Variants in PRMT2 observed in about 807,000 individuals in gnomAD.
The protein encoded by PRMT2 is protein arginine N-methyltransferase 2.
A neutral mutation model predicts 57.6 loss-of-function variants in PRMT2; 26 were observed. That is an observed-to-expected ratio of 0.45 (90% CI 0.33 to 0.63). The LOEUF (loss-of-function observed/expected upper bound fraction) is 0.63, where lower values mean the gene tolerates loss of function less well. Among genes scored for constraint, PRMT2 ranks in the 20% least tolerant of loss-of-function variants. The pLI is 0.02. For missense variants in PRMT2, 472 were observed against 564.4 expected (o/e 0.84, Z 1.66); for synonymous variants, 219 against 220.0 (o/e 1.00, Z 0.04).
At chr21:46,636,841 C>CA in intron 2 of PRMT2, 55 bp from the exon 3 acceptor site, 2 of 1,061,170 alleles carry the variant, frequency 1.9e-6, no homozygotes, top group Non-Finnish European at 2.7e-6. Context: ...TAAGTGAACT[C>CA]AATTATTAAG....
At chr21:46,646,601 T>C (rs1035556157) in intron 5 of PRMT2, among the ~76,000 whole-genome samples, 2 of 152,272 alleles carry the variant, frequency 1.3e-5, no homozygotes, top group African/African-American at 4.8e-5. Flanking sequence ...AAGGGTCCTG[T>C]TGATATTTGG....
At chr21:46,652,515 C>T (rs1367045253) in intron 7 of PRMT2, 4 of 985,282 alleles carry the variant, frequency 4.1e-6, no homozygotes, top group Non-Finnish European at 4.8e-6. Context: ...TTCAATGCCA[C>T]CAACAATTTG....
chr21:46,664,654 C>T lies in PRMT2; in HGVS notation c.*327C>T. On this transcript the variant is annotated 3_prime_UTR_variant, in exon 12 of 12. Transcript: ENST00000355680. ...TGTTCCTAAGCTAGGTCTAGGTCTA[C>T]ACTCCTAGGACGCACGCATATCAGC... 3 of 445,610 alleles carry T rather than the reference C, an allele frequency of 6.7e-6. No homozygotes were observed. The highest frequency in any genetic ancestry group is 1.2e-5 in the Non-Finnish European group (3 of 240,714). The allele number at this position is 445,610 out of a possible 1,614,324, so 27.6% of individuals were successfully genotyped here.
chr21:46,658,486 G>A (rs944884739), intron 7 of PRMT2: 3 of 444,886 alleles, frequency 6.7e-6, no homozygotes, highest in Non-Finnish European at 1.2e-5. Context: ...ATTTGTCCTT[G>A]CTTTTAGCTC....
At chr21:46,658,417 C>T in intron 7 of PRMT2, 1 of 247,052 alleles carries the variant, frequency 4.0e-6, no homozygotes, top group Non-Finnish European at 7.9e-6. Context: ...CACTTCAGGG[C>T]TCTTTCAAAA....
intron 3 of PRMT2, among the ~76,000 whole-genome samples, chr21:46,641,939 C>T (rs2061283926): frequency 6.6e-6 from 1 of 151,874 alleles, no homozygotes; most frequent in Non-Finnish European, 1.5e-5. Context: ...TACAAATAGA[C>T]AGTAAGGTAA....
In PRMT2 at chr21:46,647,075, C is replaced by T. The variant is rs560782071; in HGVS notation, c.328-1383C>T. ...ATGGATTTTTGGAGACATTTCAGACCGTGGCATGATGGTGTGTGAAAGCTC... is the reference window on the plus strand; with the variant it reads ...ATGGATTTTTGGAGACATTTCAGACTGTGGCATGATGGTGTGTGAAAGCTC... On this transcript the variant is annotated intron_variant, in intron 5 of 11. Transcript: ENST00000355680. Among the ~76,000 whole-genome samples, 11 of 152,218 alleles carry T rather than the reference C, an allele frequency of 7.2e-5. 1 individual carries two copies. The highest frequency in any genetic ancestry group is 4.1e-4 in the South Asian group (2 of 4,820).
chr21:46,651,879 GC>G (rs1569158256), intron 7 of PRMT2: 1 of 1,613,118 alleles, frequency 6.2e-7, no homozygotes, highest in Admixed American at 1.7e-5. Context: ...CTCCTGGCCT[GC>G]TGTCTGCCTC....
chr21:46,643,595 G>C lies in PRMT2; in HGVS notation c.100G>C (p.Glu34Gln). The C allele has an allele frequency of 6.2e-7, 1 of 1,611,310 alleles. No homozygotes were observed. ...GLLQEGVQPE[E>Q]FVAIADYAAT... is the part of the protein sequence containing the mutation. ...CCTGCAGGAGGGAGTACAGCCAGAG[G>C]AGTTTGTGGCCATCGCGGACTACGC... Residue 34 changes from glutamate (E) to glutamine (Q), a missense_variant, in exon 4 of 12, where the codon GAG becomes CAG. Around this residue, in one of 2 missense-constraint regions of PRMT2, gnomAD observed 243 missense variants for 347.2 expected, o/e 0.70. Transcript: ENST00000355680.
chr21:46,639,442 A>G (rs1047359310), intron 3 of PRMT2, among the ~76,000 whole-genome samples: 1 of 151,906 alleles, frequency 6.6e-6, no homozygotes, highest in Admixed American at 6.5e-5. Context: ...AAAATTCTCC[A>G]CTATGATTGT....
intron 3 of PRMT2, among the ~76,000 whole-genome samples, chr21:46,637,302 A>C (rs1261398975): frequency 6.6e-6 from 1 of 152,234 alleles, no homozygotes; most frequent in East Asian, 1.9e-4. Flanking sequence ...ATAAAATTTC[A>C]GGCATAATAC....
At chr21:46,652,253 A>T in intron 7 of PRMT2, 1 of 1,351,400 alleles carries the variant, frequency 7.4e-7, no homozygotes, top group Non-Finnish European at 9.5e-7. Flanking sequence ...TGTTGTTAGG[A>T]TGGGAAAGGT....
chr21:46,660,937 G>A lies in PRMT2; in HGVS notation c.935G>A (p.Arg312Lys), dbSNP rs2061610654. 1 of 1,613,204 alleles carries A rather than the reference G, an allele frequency of 6.2e-7. No individual in the cohort carries two copies. The highest frequency in any genetic ancestry group is 8.5e-7 in the Non-Finnish European group (1 of 1,179,464). Residue 312 changes from arginine to lysine, a missense_variant, in exon 9 of 12, where the codon AGA becomes AAA. By Grantham distance (26) the Arg-to-Lys change is conservative. Coordinates refer to ENST00000355680, the MANE Select transcript of PRMT2 (RefSeq NM_206962.4). ...TGCACTATATTGCAGTTGGACATGA[G>A]AACCGTGCAAATTTCTGATCTAGAG... Reference protein sequence around the residue: ...EPCTILQLDMRTVQISDLETL... With the variant: ...EPCTILQLDMKTVQISDLETL...
intron 7 of PRMT2, chr21:46,650,021 T>C (rs1052128072): frequency 1.5e-6 from 2 of 1,368,496 alleles, no homozygotes; most frequent in South Asian, 1.6e-5. Flanking sequence ...GTAAAAATCC[T>C]GTGCCTAACA....
chr21:46,643,716 C>A, intron 4 of PRMT2, 77 bp downstream of exon 4: 1 of 1,486,338 alleles, frequency 6.7e-7, no homozygotes, highest in Non-Finnish European at 9.0e-7. Context: ...TTGCAGACGT[C>A]ACACCAAAGT....
Position 46,651,525 on chromosome 21 carries a change from C to T in PRMT2, c.654+1786C>T, listed in dbSNP as rs541022588. Among the ~76,000 whole-genome samples the T allele has an allele frequency of 5.9e-5, 9 of 151,854 alleles. No homozygotes were observed. The East Asian group carries it at 1.6e-3, about 26-fold the overall frequency. On this transcript the variant is annotated intron_variant, in intron 7 of 11. Transcript: ENST00000355680. ...GAGTGCTGGGGTGAGTCAGACAGGA[C>T]CATGTGGTGGTTTTCTCCAGTGCAG...
intron 7 of PRMT2, chr21:46,651,752 A>G: frequency 1.3e-6 from 2 of 1,589,142 alleles, no homozygotes; most frequent in Non-Finnish European, 1.7e-6. Context: ...GAGGGAGGGT[A>G]TGAATCTGGG....
intron 7 of PRMT2, chr21:46,652,272 GA>G (rs1295581874): frequency 3.2e-5 from 42 of 1,321,694 alleles, no homozygotes; most frequent in Non-Finnish European, 4.0e-5. Context: ...GTTTTTCTAA[GA>G]ACCAAGTTCA....
chr21:46,663,757 AAGGGAAGTC>A (rs143168507), intron 11 of PRMT2, among the ~76,000 whole-genome samples: 10,652 of 152,170 alleles, frequency 0.07, 531 homozygotes, highest in Non-Finnish European at 0.1. Flanking sequence ...AGGGCTCTGG[AAGGGAAGTC>A]AGGGAAGTCA....
Sources: allele counts gnomAD v4.1 joint callset (sites outside exome capture counted in the v4.1 genomes callset), GRCh38; gene constraint gnomAD v4.1.1; regional missense constraint gnomAD v4.1.1; transcripts MANE v1.5; gene names NCBI Gene and HGNC (gene_info 2026-07-23, HGNC 2026-07-21).